Variants in PCDH15 observed in about 807,000 individuals in gnomAD.
PCDH15 encodes the protein protocadherin related 15.
In PCDH15, 129 loss-of-function variants were observed where a neutral mutation model predicts 178.5. The observed-to-expected ratio is 0.72, with a 90% confidence interval of 0.63 to 0.84. The LOEUF is 0.84. Ranked by LOEUF, PCDH15 falls within the 40% of genes least tolerant of loss-of-function variation. The pLI, the probability that PCDH15 is intolerant of heterozygous loss-of-function variation, is 0.00. For missense variants in PCDH15, 2,230 were observed against 2,099.9 expected, an observed-to-expected ratio of 1.06 and a Z score of -1.21; for synonymous variants, 800 against 732.0, an observed-to-expected ratio of 1.09 and a Z score of -1.50.
intron 1 of PCDH15, among the ~76,000 whole-genome samples, chr10:55,268,716 A>G (rs1483176318): frequency 3.3e-5 from 5 of 152,208 alleles, no homozygotes; most frequent in African/African-American, 1.2e-4. Flanking sequence ...ATTATAAGTC[A>G]CTAAAATTGA....
chr10:55,520,070 CAT>C lies in PCDH15; in HGVS notation c.-156+107553_-156+107554del, dbSNP rs1340930868. Among the ~76,000 whole-genome samples, 251 of 134,218 alleles carry C rather than the reference CAT, an allele frequency of 1.9e-3. 1 individual carries two copies. Among genetic ancestry groups the C allele is most frequent in the African/African-American group, 6.4e-3 (233 of 36,254 alleles). The allele number at this position is 134,218 out of a possible 152,430, so 88.1% of individuals were successfully genotyped here. A position where few individuals can be genotyped will look rare whatever the true frequency, so the allele number is the denominator to read the frequency against. On this transcript the variant is annotated intron_variant, in intron 2 of 5. Transcript: ENST00000613346. ...CATATATATATATACATATATATGG[CAT>C]ATATATATAAGGCATATATATGTAT...
chr10:54,839,066 C>T lies in PCDH15; in HGVS notation c.-29+58384G>A, dbSNP rs558000546. 5.9e-5 allele frequency among the ~76,000 whole-genome samples: 9 copies of T among 152,176 alleles called. 1 individual carries two copies. The South Asian group carries it at 1.5e-3, about 25-fold the overall frequency. ...AACTGCTAAAACCAGTCTGTAAAGG[C>T]TAAAAGAGGTTTACTTCTTCAAATG... On this transcript the variant is annotated intron_variant, in intron 3 of 5. Transcript: ENST00000458638.
intron 2 of PCDH15, among the ~76,000 whole-genome samples, chr10:55,528,343 A>T (rs530668529): frequency 1.5e-4 from 23 of 152,056 alleles, no homozygotes; most frequent in African/African-American, 4.6e-4. Flanking sequence ...GCTCATTTAC[A>T]TTAGGCATAT....
chr10:54,989,568 T>G (rs1375440073), intron 2 of PCDH15, among the ~76,000 whole-genome samples: 1 of 152,220 alleles, frequency 6.6e-6, no homozygotes, highest in East Asian at 1.9e-4. Context: ...AAGATTTGAC[T>G]CCCCTGCTGG....
chr10:54,259,899 G>A (rs536868557), intron 8 of PCDH15, among the ~76,000 whole-genome samples: 4 of 152,244 alleles, frequency 2.6e-5, no homozygotes, highest in Admixed American at 6.5e-5. Flanking sequence ...ATTTCCTTAT[G>A]AAATGTAAAC....
chr10:55,257,678 G>T (rs371074883), intron 1 of PCDH15, among the ~76,000 whole-genome samples: 10 of 152,220 alleles, frequency 6.6e-5, no homozygotes, highest in East Asian at 1.9e-4. Flanking sequence ...AGAGAAAAAA[G>T]AATAAAAAGA....
intron 3 of PCDH15, among the ~76,000 whole-genome samples, chr10:54,445,628 A>C (rs932099439): frequency 6.6e-6 from 1 of 151,606 alleles, no homozygotes; most frequent in Admixed American, 6.6e-5. Context: ...CACAGTTTCT[A>C]ATAAATGTCT....
upstream of PCDH15, chr10:55,319,628 C>A (rs934793767): frequency 6.6e-6 from 1 of 152,128 alleles, no homozygotes; most frequent in Non-Finnish European, 1.5e-5. Flanking sequence ...TTATCGCAAA[C>A]CAGGACTTGT....
intron 8 of PCDH15, among the ~76,000 whole-genome samples, chr10:54,286,225 A>G (rs139702893): frequency 0.014 from 2,129 of 152,294 alleles, 44 homozygotes; most frequent in South Asian, 0.044. Context: ...AAACAAAATG[A>G]TAACTGTGTG....
At chr10:54,261,496 GA>G (rs571764084) in intron 8 of PCDH15, among the ~76,000 whole-genome samples, 20 of 150,582 alleles carry the variant, frequency 1.3e-4, no homozygotes, top group African/African-American at 4.4e-4. Flanking sequence ...TAAGCATTTG[GA>G]AAAAAAAATG....
At chr10:55,234,428 A>G (rs1316829544) in intron 1 of PCDH15, among the ~76,000 whole-genome samples, 1 of 151,542 alleles carries the variant, frequency 6.6e-6, no homozygotes, top group Non-Finnish European at 1.5e-5. Context: ...TTTCTTTGAG[A>G]CAGGGTCTCA....
intron 26 of PCDH15, among the ~76,000 whole-genome samples, chr10:53,900,978 G>A (rs1203939242): frequency 1.3e-5 from 2 of 152,088 alleles, no homozygotes; most frequent in Admixed American, 1.3e-4. Flanking sequence ...ATCCACAAGG[G>A]CATTCTAATC....
At chr10:54,118,453 G>T (rs1330132942) in intron 15 of PCDH15, among the ~76,000 whole-genome samples, 1 of 152,146 alleles carries the variant, frequency 6.6e-6, no homozygotes, top group Non-Finnish European at 1.5e-5. Flanking sequence ...GAGGTCAGGA[G>T]ATGGAGACCG....
chr10:55,501,083 G>A (rs1427493197), intron 2 of PCDH15, among the ~76,000 whole-genome samples: 1 of 151,698 alleles, frequency 6.6e-6, no homozygotes, highest in Non-Finnish European at 1.5e-5. Flanking sequence ...AGTGGGCCCT[G>A]ATCAAATATA....
At chr10:55,056,224 A>G (rs1052266846) in intron 2 of PCDH15, among the ~76,000 whole-genome samples, 1 of 152,170 alleles carries the variant, frequency 6.6e-6, no homozygotes. Context: ...AATGAACAAC[A>G]ACACCACCAT....
chr10:55,058,543 A>G (rs922209407), intron 2 of PCDH15, among the ~76,000 whole-genome samples: 9 of 152,118 alleles, frequency 5.9e-5, no homozygotes. Flanking sequence ...ACATCCACTT[A>G]TCACTCTCCC....
chr10:55,233,738 C>G (rs1030198705), intron 1 of PCDH15, among the ~76,000 whole-genome samples: 3 of 152,038 alleles, frequency 2.0e-5, no homozygotes, highest in Non-Finnish European at 4.4e-5. Context: ...CCTTCATGAG[C>G]AATTCACCAG....
At chr10:54,276,057 G>A (rs923538675) in intron 8 of PCDH15, among the ~76,000 whole-genome samples, 1 of 151,462 alleles carries the variant, frequency 6.6e-6, no homozygotes, top group Non-Finnish European at 1.5e-5. Context: ...TACCAAAAAT[G>A]TAAGTCATCA....
chr10:54,635,655 T>TA lies in PCDH15; in HGVS notation c.91+28516dup, dbSNP rs2093832211. 2.0e-5 allele frequency among the ~76,000 whole-genome samples: 3 copies of TA among 151,806 alleles called. No homozygotes were observed. The South Asian group carries it at 6.2e-4, about 31-fold the overall frequency. On this transcript the variant is annotated intron_variant, in intron 2 of 37. Coordinates refer to ENST00000644397, the MANE Select transcript of PCDH15 (RefSeq NM_001384140.1). Reference sequence around the variant, plus strand: ...CAATAATGTGTTATGGTAACAAATATAAAACATCAGAAGCCTAAAATAAGA... The same window carrying TA: ...CAATAATGTGTTATGGTAACAAATATAAAAACATCAGAAGCCTAAAATAAGA...
Sources: gnomAD v4.1 joint callset for allele counts (sites outside exome capture counted in the v4.1 genomes callset) on GRCh38, gnomAD v4.1.1 for gene constraint, MANE v1.5 for transcripts, NCBI Gene and HGNC (gene_info 2026-07-23, HGNC 2026-07-21) for gene names.